ZNF415: variants seen among roughly 807,000 people sequenced by gnomAD.
ZNF415 encodes zinc finger protein 415.
Under a neutral mutation model 7.3 loss-of-function variants are expected in ZNF415, and 5 were observed. The observed-to-expected ratio is 0.69, with a 90% CI of 0.36 to 1.44. The LOEUF is 1.44. Ranked by LOEUF, ZNF415 falls within the 40% of genes most tolerant of loss-of-function variation. The probability of loss-of-function intolerance (pLI) is 0.04; values close to 1 mark genes in which losing one functional copy is unlikely to be tolerated. For missense variants in ZNF415, 628 were observed against 664.8 expected (o/e 0.94, Z 0.61); for synonymous variants, 207 against 226.3 (o/e 0.91, Z 0.77).
At chr19:53,131,464 A>G (rs1443717447) in intron 1 of ZNF415, among the ~76,000 whole-genome samples, 2 of 152,198 alleles carry the variant, frequency 1.3e-5, no homozygotes, top group East Asian at 3.9e-4. Flanking sequence ...ACAGAAATCA[A>G]CAGGTCAAAA....
chr19:53,119,972 G>A (rs934171560), intron 2 of ZNF415, among the ~76,000 whole-genome samples: 2 of 141,236 alleles, frequency 1.4e-5, no homozygotes, highest in African/African-American at 5.1e-5. Context: ...TTTCAAAGAA[G>A]AACTAAGACT....
At position 53,108,686 on chromosome 19, in the gene ZNF415, CG is replaced by C. The variant is rs764836521; in HGVS notation, c.1358del (p.Ser453Ter). On this transcript the variant is annotated frameshift_variant, in exon 4 of 4. Coordinates refer to ENST00000243643, the MANE Select transcript of ZNF415 (RefSeq NM_018355.4). LOFTEE classifies it low-confidence loss of function (END_TRUNC). ...GGATGACCTGATGGGTAGTTAAGTT[CG>C]AATGCACACTAAAGGCTTTCCCACA... ...NECGKAFSVHSNLTTHQVIHT... is the reference protein window; with the variant it reads ...NECGKAFSVHXNLTTHQVIHT... 3 of 1,614,024 alleles carry C rather than the reference CG, an allele frequency of 1.9e-6. No individual in the cohort carries two copies. The highest frequency in any genetic ancestry group is 2.5e-6 in the Non-Finnish European group (3 of 1,180,024).
intron 2 of ZNF415, 44 bp downstream of exon 2, chr19:53,122,618 T>G (rs1215992310): frequency 1.2e-6 from 2 of 1,613,168 alleles, no homozygotes; most frequent in African/African-American, 2.7e-5. Context: ...CCCACCTTTC[T>G]GAAAAGAGGG....
intron 1 of ZNF415, among the ~76,000 whole-genome samples, chr19:53,130,880 G>A (rs1282038210): frequency 6.6e-6 from 1 of 151,946 alleles, no homozygotes; most frequent in Middle Eastern, 3.2e-3. Flanking sequence ...TACTGACCTT[G>A]TGATTCACCC....
chr19:53,132,787 A>C (rs1347124102), intron 1 of ZNF415, 69 bp downstream of exon 1: 1 of 152,216 alleles, frequency 6.6e-6, no homozygotes, highest in Non-Finnish European at 1.5e-5. Flanking sequence ...GGCCGTATCG[A>C]CCCTGGACAT....
intron 1 of ZNF415, chr19:53,129,512 C>T (rs1186106113): frequency 1.5e-5 from 6 of 404,268 alleles, no homozygotes; most frequent in Non-Finnish European, 2.2e-5. Context: ...AGTCCCCCCA[C>T]ATACAACTGC....
In ZNF415 at chr19:53,122,720, G is replaced by A. The variant is rs1237863008; in HGVS notation, c.-44C>T. 1 of 1,613,708 alleles carries A rather than the reference G, an allele frequency of 6.2e-7. No homozygotes were observed. The highest frequency in any genetic ancestry group is 8.5e-7 in the Non-Finnish European group (1 of 1,179,826). On this transcript the variant is annotated 5_prime_UTR_variant, in exon 2 of 4. Transcript: ENST00000243643. Reference sequence around the variant, plus strand: ...CCTCTTCTGGGTTTCTTCCTCATGTGCCAGGAGTCTTTGGAAGTCAATGCT... The same window carrying A: ...CCTCTTCTGGGTTTCTTCCTCATGTACCAGGAGTCTTTGGAAGTCAATGCT...
chr19:53,121,030 G>A (rs1459326349), intron 2 of ZNF415, among the ~76,000 whole-genome samples: 2 of 135,104 alleles, frequency 1.5e-5, no homozygotes, highest in Non-Finnish European at 3.0e-5. Flanking sequence ...GTTGCAGTAA[G>A]CTGAGATCGC....
intron 1 of ZNF415, among the ~76,000 whole-genome samples, chr19:53,124,486 G>A (rs116407985): frequency 2.2e-4 from 34 of 152,260 alleles, no homozygotes; most frequent in African/African-American, 7.2e-4. Flanking sequence ...ATGACATCAA[G>A]CCATTCCCAA....
In ZNF415 at chr19:53,122,440, A is replaced by C. The variant is rs558579499; in HGVS notation, c.15+222T>G. 3 of 1,539,440 alleles carry C rather than the reference A, an allele frequency of 1.9e-6. No individual in the cohort carries two copies. In the African/African-American group the frequency reaches 4.1e-5, roughly 21 times the overall value. On this transcript the variant is annotated intron_variant, in intron 2 of 3. Coordinates refer to ENST00000243643, the MANE Select transcript of ZNF415 (RefSeq NM_018355.4). ...CCATGTCTGGGTGTGAGCCCTTCCCAGGACCATGCCCAGTGGACTCTTCAG... is the reference window on the plus strand; with the variant it reads ...CCATGTCTGGGTGTGAGCCCTTCCCCGGACCATGCCCAGTGGACTCTTCAG...
At chr19:53,122,766 G>T in intron 1 of ZNF415, 23 bp from the exon 2 acceptor site, 2 of 1,570,570 alleles carry the variant, frequency 1.3e-6, no homozygotes, top group Non-Finnish European at 1.8e-6. Flanking sequence ...AACAAGTGCT[G>T]TTTATTGCTT....
rs769316688 is a variant in ZNF415, at chr19:53,122,553, C to T, written c.15+109G>A. 15 of 1,602,536 alleles carry T rather than the reference C, an allele frequency of 9.4e-6. No individual in the cohort carries two copies. The East Asian group carries it at 1.6e-4, about 17-fold the overall frequency. On this transcript the variant is annotated intron_variant, in intron 2 of 3. Coordinates refer to ENST00000243643, the MANE Select transcript of ZNF415 (RefSeq NM_018355.4). The stretch of plus-strand genomic sequence containing the variant: ...AGGCACGGGTCAATGTGAGCAAACG[C>T]GTCAGGCAGGATGCTTCAGACTCAG...
intron 1 of ZNF415, among the ~76,000 whole-genome samples, chr19:53,128,898 C>A (rs73935244): frequency 0.46 from 47,765 of 104,590 alleles, 12,134 homozygotes; most frequent in African/African-American, 0.53. Flanking sequence ...TCCCGTGGCC[C>A]AGATGGAGAC....
At chr19:53,119,500 A>T (rs2087647088) in intron 2 of ZNF415, among the ~76,000 whole-genome samples, 1 of 150,934 alleles carries the variant, frequency 6.6e-6, no homozygotes, top group African/African-American at 2.4e-5. Flanking sequence ...AATGCACCTC[A>T]AGGAACTAAG....
In ZNF415 at chr19:53,124,568, G is replaced by C. The variant is rs942155425; in HGVS notation, c.-67-1825C>G. 3.3e-5 allele frequency among the ~76,000 whole-genome samples: 5 copies of C among 152,164 alleles called. No homozygotes were observed. The South Asian group carries it at 6.2e-4, about 19-fold the overall frequency. On this transcript the variant is annotated intron_variant, in intron 1 of 3. Transcript: ENST00000243643. ...AAATCACATTTCAACATGAGAGTTG[G>C]TGGGGCAAAACAAATCATATCCTAA...
At chr19:53,121,609 G>T (rs2088082548) in intron 2 of ZNF415, among the ~76,000 whole-genome samples, 1 of 151,694 alleles carries the variant, frequency 6.6e-6, no homozygotes, top group Admixed American at 6.6e-5. Flanking sequence ...TGTATTTTTA[G>T]TAAAGACGGG....
At chr19:53,130,336 T>C (rs544014796) in intron 1 of ZNF415, among the ~76,000 whole-genome samples, 1 of 152,268 alleles carries the variant, frequency 6.6e-6, no homozygotes, top group East Asian at 1.9e-4. Context: ...AATGCTTCTA[T>C]TATATAATAA....
chr19:53,114,116 A>G (rs1170206743), intron 3 of ZNF415, among the ~76,000 whole-genome samples: 1 of 152,190 alleles, frequency 6.6e-6, no homozygotes, highest in East Asian at 1.9e-4. Context: ...CATAACCTAT[A>G]GGTTGGTTAT....
chr19:53,116,307 C>T lies in ZNF415; in HGVS notation c.136+6G>A. 6.3e-7 allele frequency: 1 copy of T among 1,594,094 alleles called. No individual in the cohort carries two copies. The highest frequency in any genetic ancestry group is 8.5e-7 in the Non-Finnish European group (1 of 1,174,844). ...ATTTTGACTTCTGGAAGAAAATTAT[C>T]CTCACCCAGGGAGACCAGGTTCCTG... On this transcript the variant is annotated splice_donor_region_variant and intron_variant, in intron 3 of 3. Coordinates refer to ENST00000243643, the MANE Select transcript of ZNF415 (RefSeq NM_018355.4).
Sources: allele counts gnomAD v4.1 joint callset (sites outside exome capture counted in the v4.1 genomes callset), GRCh38; gene constraint gnomAD v4.1.1; transcripts MANE v1.5; gene names NCBI Gene and HGNC (gene_info 2026-07-23, HGNC 2026-07-21).